GPATCH2: variants seen among roughly 807,000 people sequenced by gnomAD.
GPATCH2 encodes the protein G-patch domain containing 2.
A neutral mutation model predicts 58.0 loss-of-function variants in GPATCH2; 51 were observed. The observed-to-expected ratio is 0.88, with a 90% CI of 0.70 to 1.11. The LOEUF (loss-of-function observed/expected upper bound fraction) is 1.11, where lower values mean the gene tolerates loss of function less well. Among genes scored for constraint, GPATCH2 ranks in the 50% most tolerant of loss-of-function variants. The probability of loss-of-function intolerance (pLI) is 0.00; values close to 1 mark genes in which losing one functional copy is unlikely to be tolerated. For missense variants in GPATCH2, 625 were observed against 652.2 expected, an observed-to-expected ratio of 0.96 and a Z score of 0.45; for synonymous variants, 222 against 218.5, an observed-to-expected ratio of 1.02 and a Z score of -0.14.
chr1:217,580,087 ATAAT>A (rs1240060517), intron 5 of GPATCH2, among the ~76,000 whole-genome samples: 1 of 152,242 alleles, frequency 6.6e-6, no homozygotes, highest in African/African-American at 2.4e-5. Context: ...TAAAAATCAA[ATAAT>A]TCGTTTCACT....
At chr1:217,512,319 C>T (rs1270149802) in intron 6 of GPATCH2, among the ~76,000 whole-genome samples, 1 of 151,908 alleles carries the variant, frequency 6.6e-6, no homozygotes, top group Non-Finnish European at 1.5e-5. Context: ...CAGAGCAAGA[C>T]CCTGTCTAAA....
intron 7 of GPATCH2, 114 bp from the exon 8 acceptor site, chr1:217,491,864 T>C: frequency 1.0e-5 from 1 of 97,218 alleles, no homozygotes; most frequent in Non-Finnish European, 2.1e-5. Flanking sequence ...TTGCACGGCT[T>C]TTTTTTTTTT....
intron 5 of GPATCH2, among the ~76,000 whole-genome samples, chr1:217,519,416 G>T (rs1393859325): frequency 2.6e-5 from 4 of 151,870 alleles, no homozygotes; most frequent in Non-Finnish European, 4.4e-5. Context: ...GCTTTTAAAA[G>T]AAATACAAAA....
At chr1:217,503,503 T>C (rs1480595907) in intron 6 of GPATCH2, among the ~76,000 whole-genome samples, 1 of 152,122 alleles carries the variant, frequency 6.6e-6, no homozygotes, top group African/African-American at 2.4e-5. Context: ...GTGTTATGAA[T>C]TAGCCTTGGA....
chr1:217,512,356 A>C (rs1662898435), intron 6 of GPATCH2, among the ~76,000 whole-genome samples: 1 of 152,202 alleles, frequency 6.6e-6, no homozygotes, highest in South Asian at 2.1e-4. Context: ...ACAAAATATA[A>C]TCTGAATTGA....
rs116145593 is a variant in GPATCH2, at chr1:217,502,384, T to C, written c.1167-3989A>G. Among the ~76,000 whole-genome samples, 616 of 152,196 alleles carry C rather than the reference T, an allele frequency of 4.0e-3. 8 individuals carry two copies. The highest frequency in any genetic ancestry group is 0.014 in the African/African-American group (590 of 41,552). The stretch of plus-strand genomic sequence containing the variant: ...GTCTCTTCATTTTTGTAGATCTCTT[T>C]TGATTTCTTTCGCCATTTTAATCTC... On this transcript the variant is annotated intron_variant, in intron 6 of 9. Transcript: ENST00000366935.
At chr1:217,458,887 A>C (rs1660076380) in intron 8 of GPATCH2, among the ~76,000 whole-genome samples, 1 of 152,118 alleles carries the variant, frequency 6.6e-6, no homozygotes, top group East Asian at 1.9e-4. Context: ...ATCTTACCAT[A>C]CAGTATATAG....
At chr1:217,496,446 T>A (rs1388060828) in intron 7 of GPATCH2, among the ~76,000 whole-genome samples, 1 of 151,964 alleles carries the variant, frequency 6.6e-6, no homozygotes, top group African/African-American at 2.4e-5. Context: ...GTTTTTTGGG[T>A]TTTTTGTTTG....
chr1:217,577,832 C>A (rs1666879066), intron 5 of GPATCH2, among the ~76,000 whole-genome samples: 1 of 152,060 alleles, frequency 6.6e-6, no homozygotes, highest in South Asian at 2.1e-4. Context: ...ATCGCAACCT[C>A]CGCCTCCCAG....
At chr1:217,473,718 A>T (rs1660845401) in intron 8 of GPATCH2, among the ~76,000 whole-genome samples, 1 of 152,198 alleles carries the variant, frequency 6.6e-6, no homozygotes, top group African/African-American at 2.4e-5. Context: ...TGATATAAGC[A>T]AGGTGGAAGA....
intron 5 of GPATCH2, among the ~76,000 whole-genome samples, chr1:217,537,696 G>T (rs183158569): frequency 6.6e-6 from 1 of 152,222 alleles, no homozygotes; most frequent in Non-Finnish European, 1.5e-5. Context: ...GGGCTTAAAT[G>T]TCCATTTAGA....
At chr1:217,449,222 T>G in intron 9 of GPATCH2, 27 bp downstream of exon 9, 1 of 1,195,688 alleles carries the variant, frequency 8.4e-7, no homozygotes, top group African/African-American at 1.5e-5. Context: ...ACATTTGTGC[T>G]CCACTCTAAC....
chr1:217,596,356 T>C (rs954377754), intron 5 of GPATCH2, among the ~76,000 whole-genome samples: 37 of 152,300 alleles, frequency 2.4e-4, no homozygotes, highest in African/African-American at 8.7e-4. Flanking sequence ...TATAGCTTGA[T>C]GGTTAAGTCC....
At chr1:217,437,742 TATAGATAAAAAAC>T (rs1658908122) in intron 9 of GPATCH2, among the ~76,000 whole-genome samples, 1 of 152,124 alleles carries the variant, frequency 6.6e-6, no homozygotes, top group African/African-American at 2.4e-5. Context: ...GTAAGGGGCT[TATAGATAAAAAAC>T]CCCATCTCCC....
At chr1:217,485,961 C>T (rs114156963) in intron 8 of GPATCH2, among the ~76,000 whole-genome samples, 128 of 152,250 alleles carry the variant, frequency 8.4e-4, no homozygotes, top group African/African-American at 2.9e-3. Flanking sequence ...CTTCAAATAA[C>T]GTAGTGTTAG....
chr1:217,629,234 GATAGTCATACAGATAGACTAGAAA>G (rs1215039420), intron 1 of GPATCH2, among the ~76,000 whole-genome samples: 1 of 101,508 alleles, frequency 9.9e-6, no homozygotes, highest in Non-Finnish European at 2.5e-5. Flanking sequence ...TAGTCATACA[GATAGTCATACAGATAGACTAGAAA>G]ATAAAGATCC....
intron 8 of GPATCH2, among the ~76,000 whole-genome samples, chr1:217,468,493 A>T (rs1446454527): frequency 1.3e-5 from 2 of 149,724 alleles, no homozygotes; most frequent in South Asian, 2.1e-4. Flanking sequence ...CAACCAAAAA[A>T]TGTCAAGGAA....
intron 8 of GPATCH2, among the ~76,000 whole-genome samples, chr1:217,472,570 G>A (rs1315665221): frequency 6.6e-6 from 1 of 152,042 alleles, no homozygotes; most frequent in East Asian, 1.9e-4. Context: ...CTAAAGTGCT[G>A]GGATTACAGG....
At chr1:217,498,216 T>A (rs573726648) in intron 7 of GPATCH2, 140 bp downstream of exon 7, 1 of 781,322 alleles carries the variant, frequency 1.3e-6, no homozygotes, top group South Asian at 1.4e-5. Context: ...GTGTATTTAA[T>A]CGTTGACATA....
Sources: gnomAD v4.1 joint callset for allele counts (sites outside exome capture counted in the v4.1 genomes callset) on GRCh38, gnomAD v4.1.1 for gene constraint, MANE v1.5 for transcripts, NCBI Gene and HGNC (gene_info 2026-07-23, HGNC 2026-07-21) for gene names.